Variants in FMN2 observed in about 807,000 individuals in gnomAD.
FMN2 encodes formin-2.
A neutral mutation model predicts 142.3 loss-of-function variants in FMN2; 51 were observed. That is an observed-to-expected ratio of 0.36 (90% CI 0.29 to 0.45). The LOEUF is 0.45. Among genes scored for constraint, FMN2 ranks in the 20% least tolerant of loss-of-function variants. FMN2 has a pLI of 1.00. For missense variants in FMN2, 1,936 were observed against 2,122.8 expected (o/e 0.91, Z 1.73); for synonymous variants, 882 against 869.8 (o/e 1.01, Z -0.25).
chr1:240,177,770 C>T, intron 2 of FMN2, 151 bp from the exon 3 acceptor site: 1 of 580,102 alleles, frequency 1.7e-6, no homozygotes, highest in Admixed American at 4.0e-5. Context: ...GGAATCTACA[C>T]TGAATAGTAT....
Position 240,315,386 on chromosome 1 carries a change from C to T in FMN2, c.4216-13690C>T, listed in dbSNP as rs191725436. Among the ~76,000 whole-genome samples, 67 of 152,244 alleles carry T rather than the reference C, an allele frequency of 4.4e-4. No individual in the cohort carries two copies. The East Asian group carries it at 0.01, about 23-fold the overall frequency. The stretch of plus-strand genomic sequence containing the variant: ...GGTCATCAACCTTCCCTTCTTACTT[C>T]CCATGATTGCAACAACTGAAATTTA... On this transcript the variant is annotated intron_variant, in intron 8 of 17. Coordinates refer to ENST00000319653, the MANE Select transcript of FMN2 (RefSeq NM_020066.5).
chr1:240,321,205 C>T (rs960102312), intron 8 of FMN2, among the ~76,000 whole-genome samples: 4 of 151,714 alleles, frequency 2.6e-5, no homozygotes, highest in Admixed American at 6.6e-5. Flanking sequence ...GACTGCAAAC[C>T]GTGGTTATTC....
At chr1:240,234,314 A>C (rs1667625678) in intron 6 of FMN2, among the ~76,000 whole-genome samples, 1 of 152,234 alleles carries the variant, frequency 6.6e-6, no homozygotes, top group Admixed American at 6.5e-5. Context: ...CCCTGAAAAG[A>C]GGAGAAAAAG....
chr1:240,125,718 T>C (rs1301910503), intron 2 of FMN2, among the ~76,000 whole-genome samples: 6 of 152,198 alleles, frequency 3.9e-5, no homozygotes, highest in Non-Finnish European at 8.8e-5. Context: ...TCCTATTTCT[T>C]TCTCTCTCTC....
intron 15 of FMN2, among the ~76,000 whole-genome samples, chr1:240,429,820 G>T (rs1675077121): frequency 6.6e-6 from 1 of 151,648 alleles, no homozygotes; most frequent in South Asian, 2.1e-4. Flanking sequence ...ATGGACATTT[G>T]GGTTTCCAAT....
At chr1:240,161,265 A>G (rs1664266166) in intron 2 of FMN2, among the ~76,000 whole-genome samples, 2 of 152,140 alleles carry the variant, frequency 1.3e-5, no homozygotes, top group Non-Finnish European at 2.9e-5. Flanking sequence ...AGAATAAGGA[A>G]GATGATCTTT....
At chr1:240,158,633 A>G (rs931773083) in intron 2 of FMN2, among the ~76,000 whole-genome samples, 1 of 152,106 alleles carries the variant, frequency 6.6e-6, no homozygotes, top group African/African-American at 2.4e-5. Flanking sequence ...CCATCTCCCA[A>G]TAAGCTCTCC....
rs530638953 is a variant in FMN2, at chr1:240,363,180, G to T, written c.4858+7272G>T. On this transcript the variant is annotated intron_variant, in intron 14 of 17. Transcript: ENST00000319653. ...GAAAGGAATATTCTTTATGCAGGGT[G>T]AGCATGTTTCATGTTGTACTTCTGT... Among the ~76,000 whole-genome samples, 3 of 152,334 alleles carry T rather than the reference G, an allele frequency of 2.0e-5. No individual in the cohort carries two copies. In the East Asian group the frequency reaches 5.8e-4, roughly 29 times the overall value.
chr1:240,391,090 CT>C (rs141532442), intron 14 of FMN2, among the ~76,000 whole-genome samples: 4,403 of 152,098 alleles, frequency 0.029, 214 homozygotes, highest in African/African-American at 0.099. Flanking sequence ...GTGCTGGAGC[CT>C]TTTCAAAGTA....
At chr1:240,196,213 A>T (rs1665903961) in intron 4 of FMN2, among the ~76,000 whole-genome samples, 1 of 152,196 alleles carries the variant, frequency 6.6e-6, no homozygotes. Flanking sequence ...TTACCTGGCA[A>T]GGGAATGTAG....
rs375626717 is a variant in FMN2 at position 240,412,496 on chromosome 1, T to C, written c.4910+19934T>C. Reference sequence around the variant, plus strand: ...GTTGCTACACATGAAGATCCAGATATACTGAAGGCCATAACTGGAGAGAAA... The same window carrying C: ...GTTGCTACACATGAAGATCCAGATACACTGAAGGCCATAACTGGAGAGAAA... On this transcript the variant is annotated intron_variant, in intron 15 of 17. Coordinates refer to ENST00000319653, the MANE Select transcript of FMN2 (RefSeq NM_020066.5). Among the ~76,000 whole-genome samples the C allele has an allele frequency of 7.9e-5, 12 of 152,290 alleles. No homozygotes were observed. In the East Asian group the frequency reaches 1.7e-3, roughly 22 times the overall value.
intron 5 of FMN2, among the ~76,000 whole-genome samples, chr1:240,208,962 T>C (rs1386125931): frequency 7.2e-5 from 11 of 152,200 alleles, no homozygotes; most frequent in Admixed American, 7.2e-4. Flanking sequence ...ATGTATAAGA[T>C]GTAGGTATAC....
At chr1:240,109,269 C>T (rs1039048494) in intron 1 of FMN2, among the ~76,000 whole-genome samples, 23 of 152,256 alleles carry the variant, frequency 1.5e-4, no homozygotes, top group East Asian at 9.7e-4. Context: ...GTGGTTTGAA[C>T]GAAATGATCT....
chr1:240,172,217 CAG>C (rs1411215863), intron 2 of FMN2, among the ~76,000 whole-genome samples: 2 of 151,946 alleles, frequency 1.3e-5, no homozygotes, highest in Non-Finnish European at 2.9e-5. Context: ...CACACACACA[CAG>C]AAAAAGACAT....
intron 1 of FMN2, among the ~76,000 whole-genome samples, chr1:240,104,362 T>G (rs1358587091): frequency 2.6e-5 from 4 of 152,060 alleles, no homozygotes; most frequent in African/African-American, 9.7e-5. Context: ...TCTGGTAATT[T>G]TAGGTATTAT....
At chr1:240,440,994 C>CTTTT (rs11358093) in intron 16 of FMN2, among the ~76,000 whole-genome samples, 6 of 127,500 alleles carry the variant, frequency 4.7e-5, no homozygotes, top group Non-Finnish European at 6.5e-5. Context: ...TTGGTGTAAA[C>CTTTT]TTTTTTTTTT....
intron 16 of FMN2, among the ~76,000 whole-genome samples, chr1:240,447,162 G>C (rs1435312862): frequency 1.3e-5 from 2 of 152,094 alleles, no homozygotes; most frequent in African/African-American, 4.8e-5. Flanking sequence ...GGTTTTGGCT[G>C]CTGGACTCTG....
chr1:240,128,294 C>T (rs965324023), intron 2 of FMN2, among the ~76,000 whole-genome samples: 4 of 152,048 alleles, frequency 2.6e-5, no homozygotes, highest in African/African-American at 9.7e-5. Context: ...TGCATATTTT[C>T]CAGCCAACCA....
At chr1:240,264,117 G>A (rs1280080542) in intron 7 of FMN2, among the ~76,000 whole-genome samples, 3 of 151,860 alleles carry the variant, frequency 2.0e-5, no homozygotes, top group African/African-American at 7.3e-5. Context: ...TATAGTTAAG[G>A]GTACCTTACA....
Sources: gnomAD v4.1 joint callset for allele counts (sites outside exome capture counted in the v4.1 genomes callset) on GRCh38, gnomAD v4.1.1 for gene constraint, MANE v1.5 for transcripts, NCBI Gene and HGNC (gene_info 2026-07-23, HGNC 2026-07-21) for gene names.